Variants in DNAH12 observed in about 807,000 individuals in gnomAD.
DNAH12 encodes dynein axonemal heavy chain 12, also known as axonemal beta dynein heavy chain 12.
A neutral mutation model predicts 371.5 loss-of-function variants in DNAH12; 285 were observed. That is an observed-to-expected ratio of 0.77 (90% CI 0.70 to 0.85). The LOEUF (loss-of-function observed/expected upper bound fraction) is 0.85, where lower values mean the gene tolerates loss of function less well. Ranked by LOEUF, DNAH12 falls within the 40% of genes least tolerant of loss-of-function variation. The pLI, the probability that DNAH12 is intolerant of heterozygous loss-of-function variation, is 0.00. For missense variants in DNAH12, 3,611 were observed against 3,689.4 expected (o/e 0.98, Z 0.55); for synonymous variants, 1,200 against 1,213.0 (o/e 0.99, Z 0.22).
upstream of DNAH12, chr3:57,548,935 TC>T: frequency 6.6e-6 from 1 of 152,272 alleles, no homozygotes; most frequent in Non-Finnish European, 1.5e-5. Context: ...TGTGAAGCAT[TC>T]CATAGTTTTT....
intron 2 of DNAH12, among the ~76,000 whole-genome samples, chr3:57,526,714 C>T (rs1336084701): frequency 1.3e-5 from 2 of 151,832 alleles, no homozygotes; most frequent in Admixed American, 6.6e-5. Flanking sequence ...TTAGTAGAGA[C>T]GGGTTTCACC....
At chr3:57,489,790 A>C (rs1408702859) in intron 11 of DNAH12, 103 bp from the exon 12 acceptor site, 2 of 1,204,718 alleles carry the variant, frequency 1.7e-6, no homozygotes, top group Non-Finnish European at 2.2e-6. Context: ...ATACAACTTT[A>C]TTTCTTTTTT....
At position 57,433,414 on chromosome 3, in the gene DNAH12, T is replaced by C; in HGVS notation, c.4933A>G (p.Thr1645Ala). 1.9e-6 allele frequency: 3 copies of C among 1,551,492 alleles called. No individual in the cohort carries two copies. The highest frequency in any genetic ancestry group is 1.2e-5 in the South Asian group (1 of 84,042). The change falls in exon 32 of 74, where the codon ACT (threonine) becomes GCT (alanine). Residue 1645 changes from threonine to alanine, a missense_variant. Around this residue, in one of 3 missense-constraint regions of DNAH12, gnomAD observed 2,266 missense variants for 2,236.9 expected, o/e 1.01. Transcript: ENST00000495027. ...KWVVFDGPID[T>A]LWIESMNTVL... ...GTGTTCATGCTCTCTATCCACAAAG[T>C]GTCAATAGGACCATCAAATACAACC...
At chr3:57,378,459 T>C (rs1317255002) in intron 52 of DNAH12, among the ~76,000 whole-genome samples, 1 of 152,184 alleles carries the variant, frequency 6.6e-6, no homozygotes, top group Non-Finnish European at 1.5e-5. Flanking sequence ...ACATATATCA[T>C]TTAGGAAGAC....
At chr3:57,356,115 T>G (rs1285600891) in intron 59 of DNAH12, among the ~76,000 whole-genome samples, 2 of 152,070 alleles carry the variant, frequency 1.3e-5, no homozygotes, top group African/African-American at 2.4e-5. Context: ...ATACATTCAT[T>G]AAGTGATTAA....
At chr3:57,381,289 A>G (rs1282023909) in intron 50 of DNAH12, among the ~76,000 whole-genome samples, 1 of 151,574 alleles carries the variant, frequency 6.6e-6, no homozygotes, top group Non-Finnish European at 1.5e-5. Context: ...ATAAGGTAAG[A>G]GCCTATATAT....
Position 57,489,965 on chromosome 3 carries a change from A to T in DNAH12, c.1336-278T>A, listed in dbSNP as rs553037354. Among the ~76,000 whole-genome samples the T allele has an allele frequency of 2.0e-5, 3 of 152,294 alleles. No homozygotes were observed. The South Asian group carries it at 6.2e-4, about 32-fold the overall frequency. ...AAATTTCCCTCAATAATTATTTTTT[A>T]AAATTATCCCCAGAGTCAACCCATT... On this transcript the variant is annotated intron_variant, in intron 11 of 73. Transcript: ENST00000495027.
In DNAH12 at chr3:57,518,964, C is replaced by A. The variant is rs200936437; in HGVS notation, c.279+4619G>T. 7.9e-5 allele frequency among the ~76,000 whole-genome samples: 12 copies of A among 152,128 alleles called. No homozygotes were observed. In the South Asian group the frequency reaches 2.1e-3, roughly 26 times the overall value. On this transcript the variant is annotated intron_variant, in intron 4 of 73. Transcript: ENST00000495027. Reference sequence around the variant, plus strand: ...GCTACAGCCAGTCAAGAAAGAGGAACCTGTGGAGATGACAGAGAAATAATA... The same window carrying A: ...GCTACAGCCAGTCAAGAAAGAGGAAACTGTGGAGATGACAGAGAAATAATA...
intron 15 of DNAH12, among the ~76,000 whole-genome samples, chr3:57,470,970 G>C (rs1157652393): frequency 6.6e-6 from 1 of 152,092 alleles, no homozygotes; most frequent in Non-Finnish European, 1.5e-5. Flanking sequence ...AACTCCCAAA[G>C]TGCTAGGATT....
At chr3:57,454,952 A>G in intron 22 of DNAH12, 58 bp from the exon 23 acceptor site, 2 of 1,511,490 alleles carry the variant, frequency 1.3e-6, no homozygotes, top group Non-Finnish European at 1.8e-6. Flanking sequence ...AAATAGCTAA[A>G]TGTCTAACAA....
intron 35 of DNAH12, 111 bp downstream of exon 35, chr3:57,424,911 T>C (rs893610106): frequency 5.3e-6 from 3 of 569,372 alleles, no homozygotes; most frequent in African/African-American, 1.9e-5. Flanking sequence ...ATTCTTTCAA[T>C]GCTCACCAAA....
chr3:57,339,447 T>TG (rs2062338304), intron 60 of DNAH12, among the ~76,000 whole-genome samples: 2 of 151,564 alleles, frequency 1.3e-5, no homozygotes, highest in African/African-American at 4.8e-5. Context: ...TGGGAGGGGT[T>TG]GGCAGGATAA....
At chr3:57,335,701 T>C (rs1553653462) in intron 60 of DNAH12, among the ~76,000 whole-genome samples, 1 of 152,234 alleles carries the variant, frequency 6.6e-6, no homozygotes, top group Non-Finnish European at 1.5e-5. Context: ...CTGTTGCATA[T>C]GCAGTTTGTT....
intron 2 of DNAH12, among the ~76,000 whole-genome samples, chr3:57,525,756 C>CTTTTTTTTTTTTTTTTTTTTTTT (rs776184662): frequency 1.3e-5 from 1 of 76,272 alleles, no homozygotes; most frequent in Non-Finnish European, 2.2e-5. Flanking sequence ...ATGTCTTATT[C>CTTTTTTTTTTTTTTTTTTTTTTT]TTTTTTTTTT....
chr3:57,299,017 C>A (rs1389338298), intron 70 of DNAH12, among the ~76,000 whole-genome samples: 1 of 152,148 alleles, frequency 6.6e-6, no homozygotes, highest in Non-Finnish European at 1.5e-5. Context: ...TGGGAAGAAG[C>A]CAGTTTTGCT....
Position 57,457,826 on chromosome 3 carries a change from T to C in DNAH12, c.3231A>G (p.Ala1077=). Reference sequence around the variant, plus strand: ...CCCGCGCTGCAGACGTGGAAATGAGTGCAATCAGCTCCACTCGCTCGCCCT... The same window carrying C: ...CCCGCGCTGCAGACGTGGAAATGAGCGCAATCAGCTCCACTCGCTCGCCCT... ...SSEGERVELI[A]LISTSAARGA... Residue 1077 remains alanine, a synonymous_variant, in exon 22 of 74, where the codon GCA becomes GCG. Transcript: ENST00000495027. The C allele has an allele frequency of 6.4e-7, 1 of 1,551,486 alleles. No homozygotes were observed. The highest frequency in any genetic ancestry group is 8.7e-7 in the Non-Finnish European group (1 of 1,146,964).
intron 42 of DNAH12, 59 bp from the exon 43 acceptor site, chr3:57,403,560 C>T (rs2063934780): frequency 2.1e-6 from 3 of 1,419,740 alleles, no homozygotes; most frequent in Non-Finnish European, 2.8e-6. Context: ...TGTATAGTTA[C>T]ATGTAACTAT....
intron 13 of DNAH12, among the ~76,000 whole-genome samples, chr3:57,474,234 A>C (rs1177809563): frequency 6.6e-6 from 1 of 152,210 alleles, no homozygotes; most frequent in Non-Finnish European, 1.5e-5. Context: ...GACATTCCAA[A>C]ATAATCTTCA....
intron 15 of DNAH12, among the ~76,000 whole-genome samples, chr3:57,471,077 C>T (rs62258415): frequency 0.43 from 64,757 of 151,858 alleles, 15,350 homozygotes; most frequent in South Asian, 0.58. Context: ...ATTATGTCTA[C>T]TCTACAAATA....
Sources: gnomAD v4.1 joint callset for allele counts (sites outside exome capture counted in the v4.1 genomes callset) on GRCh38, gnomAD v4.1.1 for gene constraint, gnomAD v4.1.1 regional missense constraint, MANE v1.5 for transcripts, NCBI Gene and HGNC (gene_info 2026-07-23, HGNC 2026-07-21) for gene names.